AP3B1: variants seen among roughly 807,000 people sequenced by gnomAD.
AP3B1 encodes adaptor related protein complex 3 subunit beta 1, also known as AP-3 complex subunit beta-1.
Under a neutral mutation model 132.5 loss-of-function variants are expected in AP3B1, and 61 were observed. The observed-to-expected ratio is 0.46, with a 90% CI of 0.37 to 0.57. The LOEUF (loss-of-function observed/expected upper bound fraction) is 0.57, where lower values mean the gene tolerates loss of function less well. AP3B1 is among the 20% of genes least tolerant of loss of function. The pLI is 0.00. For synonymous variants in AP3B1, 388 were observed against 438.3 expected, an observed-to-expected ratio of 0.89 and a Z score of 1.43; for missense variants, 1,120 against 1,289.4, an observed-to-expected ratio of 0.87 and a Z score of 2.01.
At chr5:78,186,057 T>C (rs1437404710) in intron 7 of AP3B1, among the ~76,000 whole-genome samples, 2 of 151,992 alleles carry the variant, frequency 1.3e-5, no homozygotes, top group South Asian at 2.1e-4. Context: ...AATAAATAAT[T>C]AGATTAAATG....
intron 6 of AP3B1, among the ~76,000 whole-genome samples, chr5:78,220,916 G>C (rs1002343824): frequency 6.6e-6 from 1 of 152,040 alleles, no homozygotes; most frequent in African/African-American, 2.4e-5. Flanking sequence ...GGGCATGGTG[G>C]TGCATGTCTA....
chr5:78,236,326 G>A (rs1211036668), intron 3 of AP3B1, among the ~76,000 whole-genome samples: 1 of 150,960 alleles, frequency 6.6e-6, no homozygotes, highest in Non-Finnish European at 1.5e-5. Context: ...TAAGGACTTC[G>A]TCATTTCTAC....
At chr5:78,126,654 T>G (rs1752479946) in intron 17 of AP3B1, among the ~76,000 whole-genome samples, 1 of 152,158 alleles carries the variant, frequency 6.6e-6, no homozygotes, top group Non-Finnish European at 1.5e-5. Context: ...TTTTACATAT[T>G]ACTACTGTTA....
At chr5:78,034,895 G>GA (rs1384852202) in intron 23 of AP3B1, among the ~76,000 whole-genome samples, 5 of 151,610 alleles carry the variant, frequency 3.3e-5, no homozygotes, top group African/African-American at 4.8e-5. Flanking sequence ...AATTTTCAAT[G>GA]AAAAAAATCC....
intron 22 of AP3B1, among the ~76,000 whole-genome samples, chr5:78,063,352 A>T (rs1162555001): frequency 6.6e-6 from 1 of 152,222 alleles, no homozygotes; most frequent in Non-Finnish European, 1.5e-5. Flanking sequence ...ATATTTTTTC[A>T]GGAACGATGC....
chr5:78,260,164 G>A (rs1580557992), intron 2 of AP3B1, among the ~76,000 whole-genome samples: 1 of 152,098 alleles, frequency 6.6e-6, no homozygotes, highest in East Asian at 1.9e-4. Flanking sequence ...CTATTCTTAA[G>A]TAATCTATTT....
intron 2 of AP3B1, among the ~76,000 whole-genome samples, chr5:78,266,169 T>G (rs1481804266): frequency 2.0e-5 from 3 of 152,218 alleles, no homozygotes; most frequent in African/African-American, 7.2e-5. Flanking sequence ...ACACAATTAA[T>G]ACACCATGGT....
chr5:78,029,171 G>C (rs1747464303), intron 24 of AP3B1, among the ~76,000 whole-genome samples: 1 of 151,994 alleles, frequency 6.6e-6, no homozygotes, highest in South Asian at 2.1e-4. Flanking sequence ...TTTCTGATGT[G>C]CATGTTAAAA....
chr5:78,003,364 A>T (rs1746262204), intron 26 of AP3B1: 1 of 240,606 alleles, frequency 4.2e-6, no homozygotes, highest in East Asian at 1.8e-4. Context: ...TTTGAGAACC[A>T]TTCATCCACT....
At chr5:78,142,854 C>T (rs1336141251) in intron 14 of AP3B1, among the ~76,000 whole-genome samples, 1 of 151,920 alleles carries the variant, frequency 6.6e-6, no homozygotes, top group Non-Finnish European at 1.5e-5. Flanking sequence ...AAACTGATGC[C>T]CTTACTGCAT....
intron 26 of AP3B1, among the ~76,000 whole-genome samples, chr5:78,008,884 C>T (rs914564475): frequency 2.0e-5 from 3 of 151,976 alleles, no homozygotes; most frequent in African/African-American, 7.2e-5. Context: ...AAACAACTAA[C>T]AAACAAAAAC....
chr5:78,033,062 T>C (rs1747646281), intron 24 of AP3B1, among the ~76,000 whole-genome samples: 2 of 152,064 alleles, frequency 1.3e-5, no homozygotes, highest in South Asian at 4.1e-4. Flanking sequence ...TTTATACAAA[T>C]TGATAAGAAA....
At chr5:78,063,308 T>C (rs1311055408) in intron 22 of AP3B1, among the ~76,000 whole-genome samples, 2 of 152,214 alleles carry the variant, frequency 1.3e-5, no homozygotes, top group Admixed American at 6.5e-5. Flanking sequence ...TAGTTTTGCA[T>C]ATCACAGGCT....
intron 22 of AP3B1, among the ~76,000 whole-genome samples, chr5:78,070,114 A>C (rs982020291): frequency 9.9e-5 from 15 of 151,966 alleles, no homozygotes; most frequent in African/African-American, 2.4e-5. Flanking sequence ...ATGGAATAAA[A>C]ACTTAAATGT....
At chr5:78,093,009 T>C (rs1750596247) in intron 21 of AP3B1, among the ~76,000 whole-genome samples, 1 of 152,218 alleles carries the variant, frequency 6.6e-6, no homozygotes, top group Non-Finnish European at 1.5e-5. Flanking sequence ...ATACTACTTC[T>C]GGAAATTTAT....
intron 22 of AP3B1, among the ~76,000 whole-genome samples, chr5:78,050,964 T>C (rs1561375241): frequency 6.6e-6 from 1 of 152,112 alleles, no homozygotes; most frequent in Non-Finnish European, 1.5e-5. Flanking sequence ...CCTCTACAAA[T>C]CTTTACACAG....
chr5:78,022,045 T>C (rs1191824105), intron 24 of AP3B1, among the ~76,000 whole-genome samples: 1 of 152,130 alleles, frequency 6.6e-6, no homozygotes, highest in African/African-American at 2.4e-5. Flanking sequence ...TACAGACAAA[T>C]GACATAATAT....
intron 2 of AP3B1, among the ~76,000 whole-genome samples, chr5:78,262,613 C>T (rs549286889): frequency 6.6e-6 from 1 of 152,138 alleles, no homozygotes; most frequent in East Asian, 1.9e-4. Context: ...ATTCCAGTAC[C>T]ACAATGTCTT....
chr5:78,169,450 G>T (rs184911796), intron 11 of AP3B1, among the ~76,000 whole-genome samples: 2 of 152,174 alleles, frequency 1.3e-5, no homozygotes, highest in Non-Finnish European at 2.9e-5. Flanking sequence ...ACTAAAATAA[G>T]TTAGTTAGAG....
Sources: allele counts gnomAD v4.1 joint callset (sites outside exome capture counted in the v4.1 genomes callset), GRCh38; gene constraint gnomAD v4.1.1; transcripts MANE v1.5; gene names NCBI Gene and HGNC (gene_info 2026-07-23, HGNC 2026-07-21).